Variants in CMSS1 observed in about 807,000 individuals in gnomAD.
CMSS1 encodes the protein cms1 ribosomal small subunit homolog, also known as protein CMSS1.
In CMSS1, 33 loss-of-function variants were observed where a neutral mutation model predicts 43.5. That is an observed-to-expected ratio of 0.76 (90% CI 0.57 to 1.01). CMSS1 has a LOEUF of 1.01. Among genes scored for constraint, CMSS1 ranks in the 50% least tolerant of loss-of-function variants. The probability of loss-of-function intolerance (pLI) is 0.00; values close to 1 mark genes in which losing one functional copy is unlikely to be tolerated. For missense variants in CMSS1, 313 were observed against 326.4 expected (o/e 0.96, Z 0.32); for synonymous variants, 115 against 117.2 (o/e 0.98, Z 0.12).
intron 6 of CMSS1, among the ~76,000 whole-genome samples, chr3:100,171,090 T>C (rs1195568154): frequency 1.3e-5 from 2 of 152,122 alleles, no homozygotes; most frequent in Non-Finnish European, 2.9e-5. Context: ...TGCCCCTCAG[T>C]CTTCACCCCT....
intron 1 of CMSS1, among the ~76,000 whole-genome samples, chr3:99,934,496 A>G (rs1043467231): frequency 1.1e-4 from 17 of 152,208 alleles, no homozygotes; most frequent in African/African-American, 1.7e-4. Context: ...GTGTGGAACA[A>G]TAGTCTACTG....
At chr3:99,880,096 A>G (rs772218771) in intron 1 of CMSS1, among the ~76,000 whole-genome samples, 3 of 152,160 alleles carry the variant, frequency 2.0e-5, no homozygotes, top group Non-Finnish European at 2.9e-5. Flanking sequence ...CTCTGCTGCT[A>G]CACAACTTAG....
At chr3:100,032,685 T>C (rs974092650) in intron 1 of CMSS1, among the ~76,000 whole-genome samples, 2 of 152,182 alleles carry the variant, frequency 1.3e-5, no homozygotes, top group South Asian at 4.1e-4. Flanking sequence ...TAAAGAAACA[T>C]TTTTTAAAAT....
At chr3:99,845,581 T>A (rs1307116968) in intron 1 of CMSS1, among the ~76,000 whole-genome samples, 1 of 152,186 alleles carries the variant, frequency 6.6e-6, no homozygotes, top group Admixed American at 6.5e-5. Context: ...TATCTGTCAA[T>A]GAAAAAGGAA....
At chr3:100,057,642 C>T (rs2065487926) in intron 1 of CMSS1, among the ~76,000 whole-genome samples, 1 of 152,196 alleles carries the variant, frequency 6.6e-6, no homozygotes, top group African/African-American at 2.4e-5. Flanking sequence ...AAATCCAATG[C>T]TTTGGGATCA....
intron 1 of CMSS1, chr3:99,874,273 G>T (rs1268142111): frequency 6.6e-6 from 1 of 152,174 alleles, no homozygotes; most frequent in African/African-American, 2.4e-5. Context: ...GGTACAGATG[G>T]TACTCTGGGT....
chr3:99,872,269 C>CTGTGTGTGTGTGTG lies in CMSS1; in HGVS notation c.64+54267_64+54280dup, dbSNP rs55727823. Among the ~76,000 whole-genome samples the CTGTGTGTGTGTGTG allele has an allele frequency of 5.9e-3, 651 of 110,788 alleles. 16 individuals are homozygous for CTGTGTGTGTGTGTG. The highest frequency in any genetic ancestry group is 0.012 in the East Asian group (38 of 3,136). 72.7% of individuals were successfully genotyped at this position (110,788 alleles called of 152,430 possible). A position where few individuals can be genotyped will look rare whatever the true frequency, so the allele number is the denominator to read the frequency against. ...ATTCTGTGGATATTCTGTGCCAGGA[C>CTGTGTGTGTGTGTG]TGTGTGTGTGTGTGTGTGTGTGTGT... On this transcript the variant is annotated intron_variant, in intron 1 of 9. Coordinates refer to ENST00000421999, the MANE Select transcript of CMSS1 (RefSeq NM_032359.4).
intron 1 of CMSS1, among the ~76,000 whole-genome samples, chr3:100,069,234 G>A (rs183144847): frequency 2.6e-4 from 40 of 152,206 alleles, no homozygotes; most frequent in African/African-American, 9.6e-4. Flanking sequence ...TCTGCACATG[G>A]ATGTTAGTTG....
At chr3:99,983,398 AT>A (rs1709195219) in intron 1 of CMSS1, among the ~76,000 whole-genome samples, 1 of 109,852 alleles carries the variant, frequency 9.1e-6, no homozygotes, top group Non-Finnish European at 1.8e-5. Context: ...AAATATATAT[AT>A]ATATATATAT....
chr3:100,026,838 G>C (rs1203330137), intron 1 of CMSS1, among the ~76,000 whole-genome samples: 9 of 152,182 alleles, frequency 5.9e-5, no homozygotes, highest in Admixed American at 5.9e-4. Flanking sequence ...AGAACTGTAA[G>C]TCAGATCACA....
At chr3:100,178,276 C>CT (rs781762848) in intron 9 of CMSS1, 29 bp from the exon 10 acceptor site, 2 of 1,478,734 alleles carry the variant, frequency 1.4e-6, no homozygotes, top group African/African-American at 1.4e-5. Context: ...TGATCTTAAT[C>CT]TTTTTTTCCC....
chr3:99,952,589 A>G (rs934494552), intron 1 of CMSS1, among the ~76,000 whole-genome samples: 4 of 152,174 alleles, frequency 2.6e-5, no homozygotes, highest in African/African-American at 9.7e-5. Context: ...AGAAAACACT[A>G]TGCTTTGGTT....
chr3:99,993,607 GT>G (rs1297916388), intron 1 of CMSS1, among the ~76,000 whole-genome samples: 1 of 152,130 alleles, frequency 6.6e-6, no homozygotes, highest in Non-Finnish European at 1.5e-5. Flanking sequence ...GATATTGGGT[GT>G]GGGTTTGTCA....
At chr3:100,123,559 A>C (rs1407763920) in intron 1 of CMSS1, among the ~76,000 whole-genome samples, 1 of 152,166 alleles carries the variant, frequency 6.6e-6, no homozygotes, top group Non-Finnish European at 1.5e-5. Context: ...GGAAGGGTCG[A>C]AGTGGTTGCT....
chr3:100,036,557 TC>T (rs912397514), intron 1 of CMSS1, among the ~76,000 whole-genome samples: 3 of 152,224 alleles, frequency 2.0e-5, no homozygotes, highest in African/African-American at 7.2e-5. Context: ...GAAAAGTTAT[TC>T]TTTACAGTAG....
chr3:99,971,202 T>C (rs1454708421), intron 1 of CMSS1, among the ~76,000 whole-genome samples: 2 of 152,020 alleles, frequency 1.3e-5, no homozygotes, highest in East Asian at 3.9e-4. Flanking sequence ...TAGCCGGGCC[T>C]GGTGGCAGAT....
chr3:100,032,777 A>G (rs936454078), intron 1 of CMSS1, among the ~76,000 whole-genome samples: 2 of 152,208 alleles, frequency 1.3e-5, no homozygotes, highest in African/African-American at 4.8e-5. Flanking sequence ...ATAAATGGTA[A>G]TGCAGTTGTG....
chr3:99,838,889 GA>G (rs1471010423), intron 1 of CMSS1, among the ~76,000 whole-genome samples: 1 of 152,020 alleles, frequency 6.6e-6, no homozygotes, highest in Non-Finnish European at 1.5e-5. Context: ...AACCTTCTGT[GA>G]AGACACAGAG....
chr3:100,177,822 A>C (rs2067160532), intron 9 of CMSS1, among the ~76,000 whole-genome samples: 1 of 152,184 alleles, frequency 6.6e-6, no homozygotes, highest in Admixed American at 6.5e-5. Context: ...TCTCTACAAA[A>C]CAATAATAAT....
Sources: allele counts gnomAD v4.1 joint callset (sites outside exome capture counted in the v4.1 genomes callset), GRCh38; gene constraint gnomAD v4.1.1; transcripts MANE v1.5; gene names NCBI Gene and HGNC (gene_info 2026-07-23, HGNC 2026-07-21).